The following SEZ6 variants were observed in gnomAD, a reference collection of about 807,000 sequenced individuals.
SEZ6 encodes seizure protein 6 homolog.
A neutral mutation model predicts 101.0 loss-of-function variants in SEZ6; 53 were observed. The ratio of observed to expected loss-of-function variants is 0.52; its 90% CI spans 0.42 to 0.66. The LOEUF (loss-of-function observed/expected upper bound fraction) is 0.66. SEZ6 is among the 30% of genes least tolerant of loss of function. The pLI, the probability that SEZ6 is intolerant of heterozygous loss-of-function variation, is 0.00. For missense variants in SEZ6, 1,102 were observed against 1,289.4 expected, an observed-to-expected ratio of 0.85 and a Z score of 2.23; for synonymous variants, 488 against 512.2, an observed-to-expected ratio of 0.95 and a Z score of 0.64.
intron 1 of SEZ6, among the ~76,000 whole-genome samples, chr17:28,999,593 C>G (rs146910377): frequency 2.0e-5 from 3 of 152,178 alleles, no homozygotes; most frequent in African/African-American, 7.2e-5. Context: ...CAATGGCCAA[C>G]AACACTCTGC....
chr17:28,970,961 T>C (rs2041143589), intron 3 of SEZ6, among the ~76,000 whole-genome samples: 1 of 152,202 alleles, frequency 6.6e-6, no homozygotes, highest in Non-Finnish European at 1.5e-5. Context: ...TCCTTTCCCC[T>C]GGCTGTCACA....
chr17:28,956,647 GC>G (rs2040883029), intron 14 of SEZ6, 71 bp downstream of exon 14: 12 of 1,542,998 alleles, frequency 7.8e-6, no homozygotes, highest in Middle Eastern at 1.7e-4. Flanking sequence ...TCCTTGGGAA[GC>G]CCATGACCTG....
rs756666424 is a variant in SEZ6 at position 28,957,346 on chromosome 17, A to C, written c.2494+2T>G. On this transcript the variant is annotated splice_donor_variant, in intron 12 of 16. Coordinates refer to ENST00000317338, the MANE Select transcript of SEZ6 (RefSeq NM_178860.5). LOFTEE classifies it high-confidence loss of function. ...TTTCCCTCCTACTCAATTGACACTTACGGAGACATTTAGGGGCCCGGTCAC... is the reference window on the plus strand; with the variant it reads ...TTTCCCTCCTACTCAATTGACACTTCCGGAGACATTTAGGGGCCCGGTCAC... 1 of 1,612,410 alleles carries C rather than the reference A, an allele frequency of 6.2e-7. No homozygotes were observed. The highest frequency in any genetic ancestry group is 1.1e-5 in the South Asian group (1 of 91,056).
In SEZ6 at chr17:28,982,827, C is replaced by A. The variant is rs185942043; in HGVS notation, c.56-788G>T. 2.8e-3 allele frequency among the ~76,000 whole-genome samples: 423 copies of A among 152,196 alleles called. 7 individuals are homozygous for A. The highest frequency in any genetic ancestry group is 0.022 in the Admixed American group (333 of 15,292). On this transcript the variant is annotated intron_variant, in intron 1 of 16. Coordinates refer to ENST00000317338, the MANE Select transcript of SEZ6 (RefSeq NM_178860.5). ...AGCTGGGACTACAGGTGCATGCCAC[C>A]ATGCCTGGCTAATTTTTAGAATTTT...
At position 28,986,839 on chromosome 17, in the gene SEZ6, A is replaced by C. The variant is rs184249894; in HGVS notation, c.56-4800T>G. 7.9e-5 allele frequency among the ~76,000 whole-genome samples: 12 copies of C among 152,342 alleles called. No individual in the cohort carries two copies. In the East Asian group the frequency reaches 1.3e-3, roughly 17 times the overall value. On this transcript the variant is annotated intron_variant, in intron 1 of 16. Transcript: ENST00000317338. Reference sequence around the variant, plus strand: ...GACATACTGGGTTTGGGGAGAGCTCATCTATGGACAGACATATACTGTCAC... The same window carrying C: ...GACATACTGGGTTTGGGGAGAGCTCCTCTATGGACAGACATATACTGTCAC...
At chr17:28,982,627 G>A (rs147642664) in intron 1 of SEZ6, among the ~76,000 whole-genome samples, 2 of 152,248 alleles carry the variant, frequency 1.3e-5, no homozygotes, top group East Asian at 3.9e-4. Flanking sequence ...TTTTATTTTA[G>A]ATTTCCTCAT....
chr17:28,960,745 G>A (rs1008714701), intron 6 of SEZ6, 60 bp downstream of exon 6: 49 of 1,611,262 alleles, frequency 3.0e-5, no homozygotes, highest in East Asian at 2.0e-4. Context: ...CTTGGGTAGC[G>A]TCCCTCCAGC....
intron 1 of SEZ6, among the ~76,000 whole-genome samples, chr17:28,993,819 C>T (rs2041499017): frequency 6.6e-6 from 1 of 152,248 alleles, no homozygotes; most frequent in African/African-American, 2.4e-5. Flanking sequence ...TTCAAAAGGC[C>T]ACACCACTGA....
At chr17:28,997,566 G>A (rs981531368) in intron 1 of SEZ6, among the ~76,000 whole-genome samples, 4 of 152,110 alleles carry the variant, frequency 2.6e-5, no homozygotes, top group East Asian at 1.9e-4. Context: ...CTGCCTCAGC[G>A]GTCCAGCTCT....
chr17:29,003,968 G>A (rs1300598335), intron 1 of SEZ6, among the ~76,000 whole-genome samples: 2 of 152,096 alleles, frequency 1.3e-5, no homozygotes, highest in Non-Finnish European at 2.9e-5. Context: ...ATCCCCATCA[G>A]GGCTGGTGGG....
intron 3 of SEZ6, among the ~76,000 whole-genome samples, chr17:28,975,701 C>T (rs934809453): frequency 1.3e-4 from 20 of 152,246 alleles, no homozygotes; most frequent in Admixed American, 1.2e-3. Flanking sequence ...CCCATGCCCA[C>T]ATCAGGCCTG....
At chr17:28,979,372 C>T (rs570548652) in intron 3 of SEZ6, among the ~76,000 whole-genome samples, 1 of 152,202 alleles carries the variant, frequency 6.6e-6, no homozygotes, top group South Asian at 2.1e-4. Context: ...CCATGACTCT[C>T]TCAGGCCCAG....
At chr17:28,956,841 A>G in intron 13 of SEZ6, 84 bp from the exon 14 acceptor site, 14 of 1,489,390 alleles carry the variant, frequency 9.4e-6, no homozygotes, top group Non-Finnish European at 1.3e-5. Context: ...TAGTGGGATG[A>G]TCATGGGAAG....
At chr17:28,968,717 G>A (rs921975167) in intron 4 of SEZ6, among the ~76,000 whole-genome samples, 1 of 152,206 alleles carries the variant, frequency 6.6e-6, no homozygotes, top group African/African-American at 2.4e-5. Context: ...CCCATCTCCA[G>A]AGTGCTGGCT....
chr17:29,000,716 G>A (rs922193003), intron 1 of SEZ6, among the ~76,000 whole-genome samples: 2 of 152,146 alleles, frequency 1.3e-5, no homozygotes, highest in African/African-American at 4.8e-5. Flanking sequence ...GGGGGCTATG[G>A]AGCCAGATGA....
intron 1 of SEZ6, among the ~76,000 whole-genome samples, chr17:28,995,888 G>A (rs1345683183): frequency 6.6e-6 from 1 of 152,126 alleles, no homozygotes; most frequent in Non-Finnish European, 1.5e-5. Flanking sequence ...CAGTACTGGA[G>A]GTCCCTGGGT....
intron 4 of SEZ6, among the ~76,000 whole-genome samples, chr17:28,966,324 A>AAG (rs1292133108): frequency 4.2e-5 from 6 of 144,284 alleles, no homozygotes; most frequent in Non-Finnish European, 7.6e-5. Context: ...AAATACAAAA[A>AAG]AAAAAAAAAT....
At position 28,955,732 on chromosome 17, in the gene SEZ6, C is replaced by G; in HGVS notation, c.*230G>C. The G allele has an allele frequency of 1.4e-6, 1 of 690,486 alleles. No individual in the cohort carries two copies. Among genetic ancestry groups the G allele is most frequent in the Non-Finnish European group, 2.6e-6 (1 of 377,924 alleles). The allele number at this position is 690,486 out of a possible 1,614,324, so 42.8% of individuals were successfully genotyped here. On this transcript the variant is annotated 3_prime_UTR_variant, in exon 17 of 17. Transcript: ENST00000317338. ...TGTTCTTCCCACAGGTAGATGCCCCCTGACATGGGCCCAATGAAGGGCCCC... is the reference window on the plus strand; with the variant it reads ...TGTTCTTCCCACAGGTAGATGCCCCGTGACATGGGCCCAATGAAGGGCCCC...
At chr17:29,004,804 G>A (rs1022724123) in intron 1 of SEZ6, among the ~76,000 whole-genome samples, 11 of 152,132 alleles carry the variant, frequency 7.2e-5, no homozygotes, top group African/African-American at 2.4e-4. Flanking sequence ...TTCCATGAGA[G>A]CTTGTTTGAG....
Sources: gnomAD v4.1 joint callset for allele counts (sites outside exome capture counted in the v4.1 genomes callset) on GRCh38, gnomAD v4.1.1 for gene constraint, MANE v1.5 for transcripts, NCBI Gene and HGNC (gene_info 2026-07-23, HGNC 2026-07-21) for gene names.